The following KLHDC4 variants were observed in gnomAD, a reference collection of about 807,000 sequenced individuals.
KLHDC4 encodes kelch domain containing 4, also known as kelch domain-containing protein 4.
A neutral mutation model predicts 62.4 loss-of-function variants in KLHDC4; 90 were observed. The observed-to-expected ratio is 1.44, with a 90% CI of 1.22 to 1.72. The LOEUF (loss-of-function observed/expected upper bound fraction) is 1.72, where lower values mean the gene tolerates loss of function less well. Ranked by LOEUF, KLHDC4 falls within the 40% of genes most tolerant of loss-of-function variation. The pLI, the probability that KLHDC4 is intolerant of heterozygous loss-of-function variation, is 0.00. For missense variants in KLHDC4, 1,025 were observed against 699.7 expected (o/e 1.47, Z -5.25); for synonymous variants, 386 against 284.4 (o/e 1.36, Z -3.59).
At chr16:87,755,532 T>C (rs1443414097) in intron 3 of KLHDC4, 11 of 357,268 alleles carry the variant, frequency 3.1e-5, no homozygotes, top group African/African-American at 8.4e-5. Flanking sequence ...CTCGTTGTTA[T>C]TAGGACTGGT....
chr16:87,730,863 G>A (rs2040225015), intron 5 of KLHDC4: 1 of 471,230 alleles, frequency 2.1e-6, no homozygotes, highest in South Asian at 2.3e-5. Flanking sequence ...TAAAACAGGA[G>A]AACATCTCCA....
intron 5 of KLHDC4, among the ~76,000 whole-genome samples, chr16:87,739,243 T>G (rs1597224221): frequency 1.1e-5 from 1 of 89,350 alleles, no homozygotes; most frequent in African/African-American, 4.9e-5. Flanking sequence ...CACCAGCACC[T>G]CATCCATCCA....
In KLHDC4 at chr16:87,755,003, C is replaced by T. The variant is rs142713920; in HGVS notation, c.369+191G>A. 2.6e-3 allele frequency among the ~76,000 whole-genome samples: 393 copies of T among 152,264 alleles called. 3 individuals are homozygous for T. The highest frequency in any genetic ancestry group is 8.6e-3 in the African/African-American group (356 of 41,560). ...TGTGATCCTCATGCCACCTGGGGAGCAGGTGTTCTCCTCCCCGTCTCACAG... is the reference window on the plus strand; with the variant it reads ...TGTGATCCTCATGCCACCTGGGGAGTAGGTGTTCTCCTCCCCGTCTCACAG... On this transcript the variant is annotated intron_variant, in intron 4 of 11. Coordinates refer to ENST00000270583, the MANE Select transcript of KLHDC4 (RefSeq NM_017566.4).
At chr16:87,731,534 G>A (rs769632659) in intron 5 of KLHDC4, among the ~76,000 whole-genome samples, 4 of 152,002 alleles carry the variant, frequency 2.6e-5, no homozygotes, top group Admixed American at 2.0e-4. Flanking sequence ...GGAAACATAT[G>A]CCAAGTCCAC....
intron 2 of KLHDC4, among the ~76,000 whole-genome samples, chr16:87,760,693 G>A (rs940330039): frequency 6.7e-6 from 1 of 149,156 alleles, no homozygotes; most frequent in African/African-American, 2.5e-5. Flanking sequence ...CTATATATCA[G>A]AAGCCTAAGA....
intron 4 of KLHDC4, 47 bp from the exon 5 acceptor site, chr16:87,748,856 G>A (rs754299644): frequency 1.9e-6 from 3 of 1,607,812 alleles, no homozygotes; most frequent in African/African-American, 1.4e-5. Context: ...CACAGCAGAA[G>A]GGCCAGTGTC....
chr16:87,701,553 C>G, exon 1 of KLHDC4: 1 of 401,994 alleles, frequency 2.5e-6, no homozygotes. Context: ...CGTGAGCTCA[C>G]CCCATGTGTA....
At chr16:87,705,827 T>A (rs1056580707), downstream of KLHDC4, among the ~76,000 whole-genome samples, 5 of 151,966 alleles carry the variant, frequency 3.3e-5, no homozygotes, top group African/African-American at 7.3e-5. Flanking sequence ...CTGCCTGCGC[T>A]CTGGCTTCTC....
At chr16:87,733,443 G>A (rs2040751964) in intron 5 of KLHDC4, among the ~76,000 whole-genome samples, 1 of 152,246 alleles carries the variant, frequency 6.6e-6, no homozygotes, top group African/African-American at 2.4e-5. Context: ...ATGGCTTTGG[G>A]CTGCAACATC....
Position 87,711,446 on chromosome 16 carries a change from G to C in KLHDC4, c.836-3C>G. The C allele has an allele frequency of 1.2e-6, 2 of 1,605,788 alleles. No individual in the cohort carries two copies. Among genetic ancestry groups the C allele is most frequent in the Non-Finnish European group, 1.7e-6 (2 of 1,177,346 alleles). ...CATCCGAGTCCAAACCCACTTGTCTGTCAAAAGAGAACAAGGAAGTGGGAT... is the reference window on the plus strand; with the variant it reads ...CATCCGAGTCCAAACCCACTTGTCTCTCAAAAGAGAACAAGGAAGTGGGAT... On this transcript the variant is annotated splice_region_variant and splice_polypyrimidine_tract_variant and intron_variant, in intron 8 of 11. Coordinates refer to ENST00000270583, the MANE Select transcript of KLHDC4 (RefSeq NM_017566.4).
downstream of KLHDC4, chr16:87,703,565 C>CA (rs2034292222): frequency 1.3e-5 from 2 of 152,260 alleles, no homozygotes; most frequent in African/African-American, 4.8e-5. Flanking sequence ...AGTGGTTACT[C>CA]AATTTCTTCC....
intron 5 of KLHDC4, among the ~76,000 whole-genome samples, chr16:87,746,143 G>A (rs375787262): frequency 1.1e-4 from 17 of 152,030 alleles, no homozygotes; most frequent in South Asian, 4.2e-4. Flanking sequence ...GGTGGTGCAC[G>A]CCTGTAATCC....
chr16:87,729,082 T>C (rs1439293410), intron 6 of KLHDC4, among the ~76,000 whole-genome samples: 2 of 152,186 alleles, frequency 1.3e-5, no homozygotes, highest in Non-Finnish European at 2.9e-5. Context: ...CAGCCTTAAA[T>C]ACTTTTTAGT....
chr16:87,705,544 T>C (rs562756946), downstream of KLHDC4, among the ~76,000 whole-genome samples: 1 of 152,256 alleles, frequency 6.6e-6, no homozygotes, highest in Non-Finnish European at 1.5e-5. Context: ...AGAAGTTTCT[T>C]CCTCAGGGCT....
intron 6 of KLHDC4, among the ~76,000 whole-genome samples, chr16:87,729,944 ATTTTATTTTTT>A (rs1268782488): frequency 6.6e-6 from 1 of 152,138 alleles, no homozygotes; most frequent in East Asian, 1.9e-4. Flanking sequence ...TGAGAATCCC[ATTTTATTTTTT>A]TATTTATTTA....
At chr16:87,744,371 C>T (rs996159123) in intron 5 of KLHDC4, among the ~76,000 whole-genome samples, 4 of 150,656 alleles carry the variant, frequency 2.7e-5, no homozygotes, top group Admixed American at 6.6e-5. Flanking sequence ...GCCGAGATCC[C>T]GCCACTGCAC....
In KLHDC4 at chr16:87,709,558, A is replaced by G; in HGVS notation, c.1154T>C (p.Val385Ala). 3.7e-6 allele frequency: 6 copies of G among 1,612,858 alleles called. No homozygotes were observed. The highest frequency in any genetic ancestry group is 5.1e-6 in the Non-Finnish European group (6 of 1,179,948). The change falls in exon 10 of 12, where the codon GTC (valine) becomes GCC (alanine). Residue 385 changes from valine (V) to alanine (A), a missense_variant. Coordinates refer to ENST00000270583, the MANE Select transcript of KLHDC4 (RefSeq NM_017566.4). ...GAGTQGPVQL[V>A]KEVVAEDGTV... ...GCCATCCTCGGCCACCACCTCCTTG[A>G]CCAGCTGCACAGGCCCCTGGGTGCC...
chr16:87,730,902 G>C, intron 5 of KLHDC4: 1 of 346,912 alleles, frequency 2.9e-6, no homozygotes, highest in Non-Finnish European at 5.2e-6. Context: ...AGATTTCCTA[G>C]GTAGAACATT....
chr16:87,708,662 G>C (rs143988874), intron 10 of KLHDC4, 196 bp from the exon 11 acceptor site: 45 of 423,990 alleles, frequency 1.1e-4, no homozygotes, highest in African/African-American at 9.0e-4. Flanking sequence ...TCAGGACAGA[G>C]ATCCGAGACG....
Sources: allele counts gnomAD v4.1 joint callset (sites outside exome capture counted in the v4.1 genomes callset), GRCh38; gene constraint gnomAD v4.1.1; transcripts MANE v1.5; gene names NCBI Gene and HGNC (gene_info 2026-07-23, HGNC 2026-07-21).